TTC28: variants seen among roughly 807,000 people sequenced by gnomAD.
The protein encoded by TTC28 is tetratricopeptide repeat protein 28.
A neutral mutation model predicts 198.0 loss-of-function variants in TTC28; 61 were observed. That is an observed-to-expected ratio of 0.31 (90% confidence interval 0.25 to 0.38). TTC28 has a LOEUF of 0.38. TTC28 is among the 10% of genes least tolerant of loss of function. TTC28 has a pLI of 1.00. For missense variants in TTC28, 2,678 were observed against 3,164.0 expected, an observed-to-expected ratio of 0.85 and a Z score of 3.69; for synonymous variants, 1,171 against 1,297.8, an observed-to-expected ratio of 0.90 and a Z score of 2.10.
At chr22:28,026,018 TTC>T (rs1938817185) in intron 13 of TTC28, among the ~76,000 whole-genome samples, 1 of 152,166 alleles carries the variant, frequency 6.6e-6, no homozygotes, top group Non-Finnish European at 1.5e-5. Context: ...TGCTGACACT[TTC>T]TTCCCCGCAC....
At chr22:28,322,211 TTC>T (rs1160978021) in intron 2 of TTC28, among the ~76,000 whole-genome samples, 1 of 152,156 alleles carries the variant, frequency 6.6e-6, no homozygotes, top group Non-Finnish European at 1.5e-5. Flanking sequence ...ATTTTTGTAT[TTC>T]TGTTTTCTGG....
intron 15 of TTC28, 80 bp downstream of exon 15, chr22:28,001,294 C>G (rs1601503258): frequency 6.8e-7 from 1 of 1,470,976 alleles, no homozygotes. Flanking sequence ...CTTCGTAACA[C>G]AGCCCAGTCC....
chr22:28,110,664 G>T (rs1449307622), intron 6 of TTC28, among the ~76,000 whole-genome samples: 1 of 152,250 alleles, frequency 6.6e-6, no homozygotes, highest in African/African-American at 2.4e-5. Context: ...GGCTGGGTGT[G>T]GTGGCTCACA....
intron 6 of TTC28, among the ~76,000 whole-genome samples, chr22:28,124,004 T>C (rs1313356675): frequency 6.6e-6 from 1 of 152,058 alleles, no homozygotes; most frequent in Non-Finnish European, 1.5e-5. Flanking sequence ...AAAATATATA[T>C]TTTTTACTTC....
intron 2 of TTC28, among the ~76,000 whole-genome samples, chr22:28,553,176 G>A (rs528187400): frequency 5.3e-5 from 8 of 152,300 alleles, no homozygotes; most frequent in Admixed American, 2.6e-4. Flanking sequence ...GCCTCCCAAA[G>A]TGCCAAGATT....
rs1937108015 is a variant in TTC28, at chr22:27,983,817, G to T, written c.5850C>A (p.Asp1950Glu). ...CAAGAGACTCGAGGGAGGAGGAGCTGTCAAGGCTGAGGCGCTTGGGTAGCT... is the reference window on the plus strand; with the variant it reads ...CAAGAGACTCGAGGGAGGAGGAGCTTTCAAGGCTGAGGCGCTTGGGTAGCT... ...STELPKRLSLDSSSSLESLAS... is the reference protein window; with the variant it reads ...STELPKRLSLESSSSLESLAS... Residue 1950 changes from aspartate to glutamate, a missense_variant, in exon 23 of 23, where the codon GAC becomes GAA. Around this residue, in one of 8 missense-constraint regions of TTC28, gnomAD observed 314 missense variants for 442.7 expected, o/e 0.71. Coordinates refer to ENST00000397906, the MANE Select transcript of TTC28 (RefSeq NM_001145418.2). 6.4e-7 allele frequency: 1 copy of T among 1,551,720 alleles called. No homozygotes were observed. The highest frequency in any genetic ancestry group is 1.2e-5 in the South Asian group (1 of 84,056).
chr22:28,114,503 C>T (rs1259758190), intron 6 of TTC28, among the ~76,000 whole-genome samples: 2 of 152,002 alleles, frequency 1.3e-5, no homozygotes, highest in Non-Finnish European at 2.9e-5. Context: ...AACACACTTG[C>T]AGGTGACTAT....
At chr22:28,390,827 C>G (rs1012536035) in intron 2 of TTC28, among the ~76,000 whole-genome samples, 1 of 152,116 alleles carries the variant, frequency 6.6e-6, no homozygotes, top group Non-Finnish European at 1.5e-5. Flanking sequence ...TTAATTGGAG[C>G]ATTTAGTCCA....
At chr22:28,630,556 T>C (rs565130180) in intron 1 of TTC28, among the ~76,000 whole-genome samples, 2 of 152,280 alleles carry the variant, frequency 1.3e-5, no homozygotes, top group African/African-American at 4.8e-5. Flanking sequence ...CCTCAAGAGA[T>C]CTTTCCACTT....
At chr22:27,995,707 A>T (rs1937539236) in intron 17 of TTC28, among the ~76,000 whole-genome samples, 2 of 152,172 alleles carry the variant, frequency 1.3e-5, no homozygotes, top group South Asian at 4.1e-4. Context: ...CCCCTTCCAG[A>T]TGAGAACACT....
At chr22:28,159,871 AC>A (rs1231954348) in intron 6 of TTC28, among the ~76,000 whole-genome samples, 1 of 152,212 alleles carries the variant, frequency 6.6e-6, no homozygotes, top group East Asian at 1.9e-4. Flanking sequence ...ACAATGGAGT[AC>A]TATTCAGCCA....
chr22:28,240,177 G>A (rs1010160920), intron 5 of TTC28, among the ~76,000 whole-genome samples: 47 of 152,196 alleles, frequency 3.1e-4, no homozygotes, highest in African/African-American at 1.1e-3. Flanking sequence ...ACAATCCTTA[G>A]GAAATACTGA....
intron 2 of TTC28, among the ~76,000 whole-genome samples, chr22:28,504,730 G>C (rs1316255521): frequency 2.0e-5 from 3 of 151,948 alleles, no homozygotes; most frequent in Admixed American, 2.0e-4. Flanking sequence ...TCCATTCCCA[G>C]CTCTGAAGAA....
chr22:28,301,727 G>A (rs1258386759), intron 3 of TTC28, among the ~76,000 whole-genome samples: 1 of 152,146 alleles, frequency 6.6e-6, no homozygotes, highest in East Asian at 1.9e-4. Flanking sequence ...CATAATAGTC[G>A]GTAGTTTTTT....
intron 2 of TTC28, among the ~76,000 whole-genome samples, chr22:28,337,302 A>C (rs530243277): frequency 2.6e-5 from 4 of 152,314 alleles, no homozygotes; most frequent in Non-Finnish European, 1.5e-5. Context: ...GGTGCTGAAA[A>C]GAATGTATAT....
At chr22:28,358,931 C>T (rs144600711) in intron 2 of TTC28, among the ~76,000 whole-genome samples, 319 of 152,228 alleles carry the variant, frequency 2.1e-3, no homozygotes, top group African/African-American at 7.4e-3. Flanking sequence ...ACCTTCACAT[C>T]GCCTGTCTTC....
chr22:28,189,544 C>T (rs1924529018), intron 5 of TTC28, among the ~76,000 whole-genome samples: 1 of 149,274 alleles, frequency 6.7e-6, no homozygotes, highest in Admixed American at 6.7e-5. Flanking sequence ...AAACTGAACA[C>T]ATGAGATTCT....
chr22:28,404,225 T>A (rs905127299), intron 2 of TTC28, among the ~76,000 whole-genome samples: 1 of 152,106 alleles, frequency 6.6e-6, no homozygotes, highest in African/African-American at 2.4e-5. Context: ...GTTCACACCA[T>A]TCTCCTGCCT....
intron 2 of TTC28, among the ~76,000 whole-genome samples, chr22:28,474,537 GA>G (rs1316660047): frequency 6.6e-6 from 1 of 152,154 alleles, no homozygotes; most frequent in Non-Finnish European, 1.5e-5. Flanking sequence ...GTTCCATAAT[GA>G]AAAACATGTA....
Sources: allele counts gnomAD v4.1 joint callset (sites outside exome capture counted in the v4.1 genomes callset), GRCh38; gene constraint gnomAD v4.1.1; regional missense constraint gnomAD v4.1.1; transcripts MANE v1.5; gene names NCBI Gene and HGNC (gene_info 2026-07-23, HGNC 2026-07-21).